The following DST variants were observed in gnomAD, a reference collection of about 807,000 sequenced individuals.
DST encodes bullous pemphigoid antigen.
A neutral mutation model predicts 875.2 loss-of-function variants in DST; 253 were observed. That is an observed-to-expected ratio of 0.29 (90% CI 0.26 to 0.32). The LOEUF is 0.32. Ranked by LOEUF, DST falls within the 10% of genes least tolerant of loss-of-function variation. The probability of loss-of-function intolerance (pLI) is 1.00; values close to 1 mark genes in which losing one functional copy is unlikely to be tolerated. For synonymous variants in DST, 3,124 were observed against 3,197.1 expected, an observed-to-expected ratio of 0.98 and a Z score of 0.77; for missense variants, 8,287 against 9,111.6, an observed-to-expected ratio of 0.91 and a Z score of 3.68.
intron 9 of DST, among the ~76,000 whole-genome samples, chr6:56,674,948 A>C (rs1309043341): frequency 1.3e-5 from 2 of 152,216 alleles, no homozygotes; most frequent in African/African-American, 4.8e-5. Context: ...GACCCCAAAT[A>C]GTCAAAGCAA....
chr6:56,823,417 T>A, intron 4 of DST, among the ~76,000 whole-genome samples: 1 of 152,128 alleles, frequency 6.6e-6, no homozygotes. Context: ...TATAATTTTT[T>A]TTTGTTTTTT....
At position 56,584,527 on chromosome 6, in the gene DST, T is replaced by C. The variant is rs149308863; in HGVS notation, c.12904-5590A>G. Among the ~76,000 whole-genome samples the C allele has an allele frequency of 5.9e-3, 892 of 150,598 alleles. 48 individuals carry two copies. Among genetic ancestry groups the C allele is most frequent in the African/African-American group, 0.022 (867 of 39,866 alleles). On this transcript the variant is annotated intron_variant, in intron 49 of 103. Coordinates refer to ENST00000680361, the MANE Select transcript of DST (RefSeq NM_001374736.1). The stretch of plus-strand genomic sequence containing the variant: ...ATGGGGTTTTCTAGATATACAATCA[T>C]GTTGCCTGCAAACAGGGACAATTTG...
intron 57 of DST, 33 bp from the exon 58 acceptor site, chr6:56,560,456 T>A: frequency 6.4e-7 from 1 of 1,556,960 alleles, no homozygotes; most frequent in Non-Finnish European, 8.7e-7. Flanking sequence ...AAATCATGTG[T>A]ACAGCAAAAG....
At chr6:56,570,060 A>T in intron 53 of DST, 48 bp from the exon 54 acceptor site, 1 of 1,322,296 alleles carries the variant, frequency 7.6e-7, no homozygotes, top group Non-Finnish European at 1.0e-6. Flanking sequence ...AAAGAAGAAT[A>T]AATAAATTAT....
chr6:56,497,662 T>C, intron 81 of DST, 155 bp from the exon 82 acceptor site: 2 of 1,008,606 alleles, frequency 2.0e-6, no homozygotes, highest in South Asian at 1.7e-5. Flanking sequence ...AGGAGAGCTC[T>C]AGTAGATAAG....
intron 4 of DST, among the ~76,000 whole-genome samples, chr6:56,769,525 T>C (rs2099643758): frequency 6.6e-6 from 1 of 152,064 alleles, no homozygotes. Flanking sequence ...TAAAAGTCTA[T>C]TAAAAAAAAA....
chr6:56,578,483 GC>G (rs1431699696), intron 50 of DST, among the ~76,000 whole-genome samples: 3 of 152,146 alleles, frequency 2.0e-5, no homozygotes, highest in Non-Finnish European at 4.4e-5. Flanking sequence ...TAAGTTGAAG[GC>G]CTAACTCTGC....
rs2098475517 is a variant in DST at position 56,604,398 on chromosome 6, T to C, written c.10230A>G (p.Gln3410=). The part of the protein sequence containing the change: ...NEASTVPSDS[Q]MSDSSGVSPM... ...GGGAAACTCCAGAAGAGTCACTCAT[T>C]TGAGAGTCGCTGGGCACAGTAGATG... The change falls in exon 40 of 104, where the codon CAA becomes CAG. Residue 3410 remains glutamine (Q), a synonymous_variant. Transcript: ENST00000680361. The C allele has an allele frequency of 6.2e-7, 1 of 1,611,276 alleles. No homozygotes were observed. Among genetic ancestry groups the C allele is most frequent in the East Asian group, 2.2e-5 (1 of 44,754 alleles).
At chr6:56,554,451 T>C (rs1345702151) in intron 60 of DST, among the ~76,000 whole-genome samples, 7 of 152,180 alleles carry the variant, frequency 4.6e-5, no homozygotes, top group Admixed American at 2.6e-4. Context: ...TGAGTTTGTA[T>C]CTTGGTTTAA....
intron 74 of DST, 37 bp downstream of exon 74, chr6:56,509,605 T>C (rs1181138617): frequency 1.3e-6 from 2 of 1,499,674 alleles, no homozygotes; most frequent in African/African-American, 1.4e-5. Context: ...ACATTTAGAA[T>C]GCTTTAAAAT....
chr6:56,879,242 G>A (rs1217908138), intron 3 of DST, among the ~76,000 whole-genome samples: 6 of 152,160 alleles, frequency 3.9e-5, no homozygotes, highest in Non-Finnish European at 7.3e-5. Flanking sequence ...GCCAAGGCAG[G>A]TGGATCACAA....
At position 56,509,687 on chromosome 6, in the gene DST, T is replaced by A. The variant is rs769061897; in HGVS notation, c.18967A>T (p.Met6323Leu). ...TCAGTCCCCCCAGATCTAGCAATCA[T>A]TTCCTCTCCCCTCTGTTTAAGAGTT... ...YETLKQRGEE[M>L]IARSGGTDKD... The change falls in exon 74 of 104, where the codon ATG becomes TTG. Residue 6323 changes from methionine to leucine, a missense_variant. This residue lies in a region of DST where 1,292 missense variants were observed against 1,552.7 expected (regional missense o/e 0.83). Coordinates refer to ENST00000680361, the MANE Select transcript of DST (RefSeq NM_001374736.1). The A allele has an allele frequency of 1.9e-6, 3 of 1,613,634 alleles. No homozygotes were observed. In the East Asian group the frequency reaches 6.7e-5, roughly 36 times the overall value.
At chr6:56,790,783 T>C (rs1053961199) in intron 4 of DST, among the ~76,000 whole-genome samples, 1 of 152,234 alleles carries the variant, frequency 6.6e-6, no homozygotes, top group African/African-American at 2.4e-5. Flanking sequence ...AACCAGTTTG[T>C]ACTGGACCAT....
intron 3 of DST, among the ~76,000 whole-genome samples, chr6:56,894,742 T>C (rs1408315686): frequency 1.9e-3 from 126 of 67,316 alleles, no homozygotes; most frequent in African/African-American, 8.4e-3. Flanking sequence ...ACGGGGCGGC[T>C]GGCCGGGCAG....
chr6:56,620,414 T>C (rs1315173641), intron 36 of DST: 1 of 1,614,174 alleles, frequency 6.2e-7, no homozygotes, highest in Non-Finnish European at 8.5e-7. Flanking sequence ...AGCGGCTTCC[T>C]TCTCTCTCAC....
rs1192443421 is a variant in DST at position 56,608,222 on chromosome 6, A to G, written c.6406T>C (p.Ser2136Pro). The change falls in exon 40 of 104, where the codon TCA (serine) becomes CCA (proline). Residue 2136 changes from serine (S) to proline (P), a missense_variant. Physicochemically the swap from Ser to Pro is moderately conservative, Grantham distance 74. Coordinates refer to ENST00000680361, the MANE Select transcript of DST (RefSeq NM_001374736.1). ...QLGIIDNNTA[S>P]ILKNITLPDK... is the part of the protein sequence containing the mutation. ...GGCAGTGTTATATTTTTTAAAATTG[A>G]TGCTGTGTTGTTGTCTATAATTCCT... The G allele has an allele frequency of 1.9e-6, 3 of 1,613,680 alleles. No homozygotes were observed. Among genetic ancestry groups the G allele is most frequent in the Middle Eastern group, 1.7e-4 (1 of 6,060 alleles).
intron 13 of DST, 65 bp from the exon 14 acceptor site, chr6:56,646,247 A>C: frequency 1.1e-6 from 1 of 892,422 alleles, no homozygotes; most frequent in South Asian, 1.7e-5. Context: ...GATCTCACTA[A>C]GCCACCACTT....
chr6:56,522,925 C>G (rs754976705), intron 69 of DST, among the ~76,000 whole-genome samples: 2 of 152,080 alleles, frequency 1.3e-5, no homozygotes, highest in Non-Finnish European at 2.9e-5. Flanking sequence ...AGTAAAAGTG[C>G]CTTTCTCCAT....
At chr6:56,505,446 A>C (rs563850691) in intron 77 of DST, among the ~76,000 whole-genome samples, 1 of 150,996 alleles carries the variant, frequency 6.6e-6, no homozygotes, top group Non-Finnish European at 1.5e-5. Flanking sequence ...TGTCATTGAT[A>C]CCTAATAGAG....
Sources: gnomAD v4.1 joint callset for allele counts (sites outside exome capture counted in the v4.1 genomes callset) on GRCh38, gnomAD v4.1.1 for gene constraint, gnomAD v4.1.1 regional missense constraint, MANE v1.5 for transcripts, NCBI Gene and HGNC (gene_info 2026-07-23, HGNC 2026-07-21) for gene names.